CBLB: variants seen among roughly 807,000 people sequenced by gnomAD.
The protein encoded by CBLB is Cbl proto-oncogene B, also known as E3 ubiquitin-protein ligase CBL-B.
In CBLB, 31 loss-of-function variants were observed where a neutral mutation model predicts 104.9. That is an observed-to-expected ratio of 0.30 (90% CI 0.22 to 0.40). The LOEUF is 0.40. CBLB is among the 10% of genes least tolerant of loss of function. CBLB has a pLI of 1.00. For missense variants in CBLB, 1,062 were observed against 1,214.6 expected, an observed-to-expected ratio of 0.87 and a Z score of 1.87; for synonymous variants, 440 against 422.6, an observed-to-expected ratio of 1.04 and a Z score of -0.51.
At chr3:105,690,551 TG>T (rs2067548228) in intron 13 of CBLB, among the ~76,000 whole-genome samples, 1 of 152,150 alleles carries the variant, frequency 6.6e-6, no homozygotes, top group South Asian at 2.1e-4. Flanking sequence ...AGGCTGGGCA[TG>T]GTGGCTCACG....
intron 13 of CBLB, among the ~76,000 whole-genome samples, chr3:105,689,919 CT>C (rs1266739586): frequency 6.6e-6 from 1 of 151,938 alleles, no homozygotes; most frequent in Non-Finnish European, 1.5e-5. Flanking sequence ...TTTCAGATTG[CT>C]TTTACAACAG....
chr3:105,698,594 T>C (rs1223829060), intron 12 of CBLB, among the ~76,000 whole-genome samples: 1 of 133,450 alleles, frequency 7.5e-6, no homozygotes, highest in Non-Finnish European at 1.6e-5. Flanking sequence ...CGGCAGTTTT[T>C]ACCATTTGAC....
At chr3:105,800,665 C>T (rs769857822) in intron 3 of CBLB, among the ~76,000 whole-genome samples, 2 of 151,946 alleles carry the variant, frequency 1.3e-5, no homozygotes, top group African/African-American at 2.4e-5. Context: ...TCTAGGAAAA[C>T]AAAATATACA....
At chr3:105,711,098 G>A (rs1271516387) in intron 10 of CBLB, among the ~76,000 whole-genome samples, 8 of 151,890 alleles carry the variant, frequency 5.3e-5, no homozygotes, top group African/African-American at 1.2e-4. Flanking sequence ...GAAACTTCAA[G>A]CACAGTCAGG....
intron 9 of CBLB, among the ~76,000 whole-genome samples, chr3:105,723,392 T>C (rs2073156913): frequency 6.6e-6 from 1 of 152,160 alleles, no homozygotes; most frequent in Non-Finnish European, 1.5e-5. Flanking sequence ...TCTAAATGAC[T>C]CAGTAGGTTT....
At chr3:105,835,674 A>G (rs1577670767) in intron 3 of CBLB, among the ~76,000 whole-genome samples, 1 of 152,340 alleles carries the variant, frequency 6.6e-6, no homozygotes, top group African/African-American at 2.4e-5. Context: ...CTAAGCTTCA[A>G]TGACCTGCAG....
chr3:105,691,270 A>G (rs530039816), intron 13 of CBLB, among the ~76,000 whole-genome samples: 1 of 152,352 alleles, frequency 6.6e-6, no homozygotes, highest in African/African-American at 2.4e-5. Context: ...CAAAATTGAA[A>G]ACTAATTTGC....
intron 6 of CBLB, among the ~76,000 whole-genome samples, chr3:105,744,946 A>G (rs568318644): frequency 1.1e-4 from 16 of 152,166 alleles, no homozygotes; most frequent in Non-Finnish European, 2.4e-4. Flanking sequence ...AAGCAAAACA[A>G]AACAAAACAA....
chr3:105,673,946 T>C (rs1470041686), intron 17 of CBLB: 1 of 152,242 alleles, frequency 6.6e-6, no homozygotes, highest in African/African-American at 2.4e-5. Context: ...ATCATCCTGG[T>C]TGCACTTTTT....
At chr3:105,717,205 C>T (rs971815433) in intron 10 of CBLB, among the ~76,000 whole-genome samples, 1 of 152,088 alleles carries the variant, frequency 6.6e-6, no homozygotes, top group African/African-American at 2.4e-5. Flanking sequence ...CTCTTAAAGC[C>T]TAGACCTACC....
intron 3 of CBLB, among the ~76,000 whole-genome samples, chr3:105,826,389 G>T (rs1244615684): frequency 6.6e-6 from 1 of 152,114 alleles, no homozygotes; most frequent in Non-Finnish European, 1.5e-5. Flanking sequence ...AAACACTTTA[G>T]CTTTTTGGTA....
intron 3 of CBLB, among the ~76,000 whole-genome samples, chr3:105,808,814 C>T (rs1485594590): frequency 6.6e-6 from 1 of 152,102 alleles, no homozygotes; most frequent in African/African-American, 2.4e-5. Context: ...GATAAAAATG[C>T]TTTCCTGTAA....
chr3:105,666,371 T>C (rs2064458669), intron 18 of CBLB, among the ~76,000 whole-genome samples: 2 of 152,166 alleles, frequency 1.3e-5, no homozygotes, highest in South Asian at 4.1e-4. Context: ...TTTTATGCCA[T>C]AAGGTTGAAT....
chr3:105,665,408 A>AACATATAT, intron 18 of CBLB, among the ~76,000 whole-genome samples: 1 of 51,558 alleles, frequency 1.9e-5, no homozygotes, highest in South Asian at 8.6e-4. Context: ...TAAATAAATA[A>AACATATAT]ATAAATAAAT....
chr3:105,785,547 G>A (rs1308221030), intron 3 of CBLB, among the ~76,000 whole-genome samples: 3 of 152,116 alleles, frequency 2.0e-5, no homozygotes, highest in Admixed American at 2.0e-4. Flanking sequence ...ACTTTCTGAG[G>A]AAGCATAACA....
chr3:105,693,684 T>C, intron 12 of CBLB, 96 bp from the exon 13 acceptor site: 1 of 784,048 alleles, frequency 1.3e-6, no homozygotes, highest in Non-Finnish European at 2.2e-6. Flanking sequence ...ATATGTAAGT[T>C]CAGTATATTT....
intron 14 of CBLB, among the ~76,000 whole-genome samples, chr3:105,683,537 T>C (rs368192660): frequency 7.1e-5 from 10 of 140,858 alleles, no homozygotes; most frequent in Non-Finnish European, 4.8e-5. Flanking sequence ...ATTAAAATTA[T>C]ACTCCTCACT....
intron 12 of CBLB, among the ~76,000 whole-genome samples, chr3:105,699,084 A>G (rs1305562290): frequency 2.0e-5 from 3 of 152,118 alleles, no homozygotes; most frequent in South Asian, 2.1e-4. Flanking sequence ...TTAGATTACT[A>G]GCACCAAGTA....
At chr3:105,780,660 GTT>G (rs58640968) in intron 3 of CBLB, among the ~76,000 whole-genome samples, 10 of 94,016 alleles carry the variant, frequency 1.1e-4, no homozygotes, top group African/African-American at 3.0e-4. Context: ...TTTGTTTTTT[GTT>G]TTTTTTTTTT....
Sources: gnomAD v4.1 joint callset for allele counts (sites outside exome capture counted in the v4.1 genomes callset) on GRCh38, gnomAD v4.1.1 for gene constraint, MANE v1.5 for transcripts, NCBI Gene and HGNC (gene_info 2026-07-23, HGNC 2026-07-21) for gene names.